Variants in HEATR1 observed in about 807,000 individuals in gnomAD.
HEATR1 encodes HEAT repeat containing 1.
A neutral mutation model predicts 248.2 loss-of-function variants in HEATR1; 77 were observed. The ratio of observed to expected loss-of-function variants is 0.31; its 90% CI spans 0.26 to 0.37. The LOEUF (loss-of-function observed/expected upper bound fraction) is 0.37. HEATR1 is among the 10% of genes least tolerant of loss of function. The pLI, the probability that HEATR1 is intolerant of heterozygous loss-of-function variation, is 1.00. For synonymous variants in HEATR1, 897 were observed against 923.1 expected (o/e 0.97, Z 0.51); for missense variants, 2,420 against 2,504.9 (o/e 0.97, Z 0.72).
Position 236,585,615 on chromosome 1 carries a change from T to C in HEATR1, c.2049+205A>G, listed in dbSNP as rs1663864527. Among the ~76,000 whole-genome samples the C allele has an allele frequency of 2.0e-5, 3 of 152,112 alleles. No homozygotes were observed. The South Asian group carries it at 6.2e-4, about 31-fold the overall frequency. ...ATTATTCTTATGGGTGTGATATGGA[T>C]CCACATTGAAAAAATATATAAAATG... On this transcript the variant is annotated intron_variant, in intron 16 of 44. Coordinates refer to ENST00000366582, the MANE Select transcript of HEATR1 (RefSeq NM_018072.6).
At chr1:236,595,478 T>C (rs1031638768) in intron 8 of HEATR1, 62 bp downstream of exon 8, 1 of 1,360,902 alleles carries the variant, frequency 7.3e-7, no homozygotes, top group Non-Finnish European at 1.0e-6. Context: ...AACCAGGATA[T>C]GGTTACTATT....
Position 236,560,205 on chromosome 1 carries a change from T to A in HEATR1, c.4647-368A>T, listed in dbSNP as rs562770968. Among the ~76,000 whole-genome samples the A allele has an allele frequency of 3.3e-5, 5 of 152,012 alleles. No homozygotes were observed. The South Asian group carries it at 6.2e-4, about 19-fold the overall frequency. ...TATGGCCCTAGGTTAATGGCAGGTG[T>A]GTGCGCGCACACACACACAGGCACA... On this transcript the variant is annotated intron_variant, in intron 33 of 44. Coordinates refer to ENST00000366582, the MANE Select transcript of HEATR1 (RefSeq NM_018072.6).
At chr1:236,560,747 G>A (rs974171124) in intron 33 of HEATR1, among the ~76,000 whole-genome samples, 2 of 152,202 alleles carry the variant, frequency 1.3e-5, no homozygotes, top group Non-Finnish European at 2.9e-5. Context: ...TATAATGGCA[G>A]CATATGGATT....
intron 11 of HEATR1, among the ~76,000 whole-genome samples, chr1:236,591,546 T>C (rs16834013): frequency 0.018 from 2,672 of 152,302 alleles, 17 homozygotes; most frequent in Middle Eastern, 0.075. Flanking sequence ...TATAAAGCTT[T>C]AGGCTTGAAT....
At position 236,585,038 on chromosome 1, in the gene HEATR1, A is replaced by G. The variant is rs141347838; in HGVS notation, c.2228T>C (p.Val743Ala). ...TGCTTTCCTTACCACTGCAGTAATGACACTTTCAAGCTTCTTTATTTTTTT... is the reference window on the plus strand; with the variant it reads ...TGCTTTCCTTACCACTGCAGTAATGGCACTTTCAAGCTTCTTTATTTTTTT... ...LQKKIKKLES[V>A]ITAVEIPSEW... Residue 743 changes from valine to alanine, a missense_variant, in exon 17 of 45, where the codon GTC (valine) becomes GCC (alanine). Physicochemically the swap from Val to Ala is moderately conservative, Grantham distance 64. Coordinates refer to ENST00000366582, the MANE Select transcript of HEATR1 (RefSeq NM_018072.6). 108 of 1,612,826 alleles carry G rather than the reference A, an allele frequency of 6.7e-5. 1 individual carries two copies. The East Asian group carries it at 2.3e-3, about 35-fold the overall frequency.
chr1:236,557,066 T>G, intron 37 of HEATR1, 129 bp downstream of exon 37: 1 of 919,934 alleles, frequency 1.1e-6, no homozygotes, highest in Non-Finnish European at 1.6e-6. Flanking sequence ...CAAGCACATC[T>G]CTTCAGAAAT....
Position 236,550,862 on chromosome 1 carries a change from G to A in HEATR1, c.*40C>T, listed in dbSNP as rs1662698284. The A allele has an allele frequency of 6.9e-7, 1 of 1,457,332 alleles. No homozygotes were observed. Among genetic ancestry groups the A allele is most frequent in the Non-Finnish European group, 9.4e-7 (1 of 1,066,700 alleles). The allele number at this position is 1,457,332 out of a possible 1,614,324, so 90.3% of individuals were successfully genotyped here. A position where few individuals can be genotyped will look rare whatever the true frequency, so the allele number is the denominator to read the frequency against. On this transcript the variant is annotated 3_prime_UTR_variant, in exon 45 of 45. Transcript: ENST00000366582. ...CCAAAAATAAAAATATGAAATATGA[G>A]TGTGAACTCTGAGTAGAGTATGAAA...
intron 28 of HEATR1, among the ~76,000 whole-genome samples, chr1:236,570,550 G>A (rs1663400087): frequency 6.6e-6 from 1 of 152,104 alleles, no homozygotes; most frequent in Non-Finnish European, 1.5e-5. Context: ...CTGGGGTGAT[G>A]AAAATACTCT....
intron 32 of HEATR1, among the ~76,000 whole-genome samples, chr1:236,562,211 ATTCT>A (rs1193002679): frequency 1.3e-5 from 2 of 152,188 alleles, no homozygotes; most frequent in African/African-American, 4.8e-5. Context: ...GTGAATTCAT[ATTCT>A]TTGCCAGTTG....
chr1:236,574,117 TAA>T, intron 24 of HEATR1, 83 bp downstream of exon 24: 1 of 1,251,186 alleles, frequency 8.0e-7, no homozygotes, highest in Non-Finnish European at 1.1e-6. Flanking sequence ...ACAAGCACTA[TAA>T]AATACAGGAC....
At chr1:236,576,123 A>G (rs1663555936) in intron 22 of HEATR1, 96 bp downstream of exon 22, 1 of 930,556 alleles carries the variant, frequency 1.1e-6, no homozygotes, top group African/African-American at 1.7e-5. Flanking sequence ...GAGCGCACAC[A>G]TGCAACTCTT....
chr1:236,571,407 G>A lies in HEATR1; in HGVS notation c.3892C>T (p.Pro1298Ser), dbSNP rs1483585627. 3.7e-6 allele frequency: 6 copies of A among 1,613,264 alleles called. No individual in the cohort carries two copies. The highest frequency in any genetic ancestry group is 5.1e-6 in the Non-Finnish European group (6 of 1,179,846). Reference sequence around the variant, plus strand: ...AAAAGGGCATGGTGATGGGTCTGCGGCATCTCCGAAAGGCGGATGCACTGA... The same window carrying A: ...AAAAGGGCATGGTGATGGGTCTGCGACATCTCCGAAAGGCGGATGCACTGA... ...IVQCIRLSEM[P>S]QTHHHALLLL... is the part of the protein sequence containing the mutation. The change falls in exon 28 of 45, where the codon CCG becomes TCG. Residue 1298 changes from proline (P) to serine (S), a missense_variant. Pro to Ser is a moderately conservative substitution (Grantham distance 74). Transcript: ENST00000366582.
At chr1:236,578,332 A>G (rs375581489) in intron 20 of HEATR1, among the ~76,000 whole-genome samples, 1 of 152,236 alleles carries the variant, frequency 6.6e-6, no homozygotes, top group Admixed American at 6.5e-5. Context: ...CATACATTCC[A>G]TAAGTATTTG....
At position 236,586,447 on chromosome 1, in the gene HEATR1, T is replaced by G; in HGVS notation, c.1721A>C (p.Glu574Ala). ...TATGTCAGCGGCTATCTTAAGTACC[T>G]CGTACCTAAAAGACATGCAAGCACA... ...AELSKNGEWYEVLKIAADILI... is the reference protein window; with the variant it reads ...AELSKNGEWYAVLKIAADILI... The change falls in exon 15 of 45, where the codon GAG (glutamate) becomes GCG (alanine). Residue 574 changes from glutamate to alanine, a missense_variant. By Grantham distance (107) the Glu-to-Ala change is moderately radical. Transcript: ENST00000366582. 3.7e-6 allele frequency: 6 copies of G among 1,607,572 alleles called. No individual in the cohort carries two copies. The highest frequency in any genetic ancestry group is 5.1e-6 in the Non-Finnish European group (6 of 1,174,646).
chr1:236,592,633 G>C lies in HEATR1; in HGVS notation c.1194C>G (p.Ser398Arg). The change falls in exon 10 of 45, where the codon AGC becomes AGG. Residue 398 changes from serine to arginine, a missense_variant and splice_region_variant. By Grantham distance (110) the Ser-to-Arg change is moderately radical (BLOSUM62 -1). Coordinates refer to ENST00000366582, the MANE Select transcript of HEATR1 (RefSeq NM_018072.6). ...ATGAAATATACTCTTCAAATAGAAG[G>C]CTGTAAAAAAAAAAACAGAAATATC... ...LKNNLDHLLA[S>R]LLFEEYISYS... The C allele has an allele frequency of 1.6e-6, 2 of 1,231,148 alleles. No individual in the cohort carries two copies. Among genetic ancestry groups the C allele is most frequent in the South Asian group, 1.3e-5 (1 of 75,240 alleles). The allele number at this position is 1,231,148 out of a possible 1,614,324, so 76.3% of individuals were successfully genotyped here. A position where few individuals can be genotyped will look rare whatever the true frequency, so the allele number is the denominator to read the frequency against.
intron 12 of HEATR1, among the ~76,000 whole-genome samples, chr1:236,590,243 T>C (rs928258145): frequency 1.3e-5 from 2 of 152,156 alleles, no homozygotes; most frequent in African/African-American, 4.8e-5. Context: ...TCTCGGTTTT[T>C]TTTTGAAAGA....
At chr1:236,572,695 G>C in intron 25 of HEATR1, 30 bp downstream of exon 25, 2 of 1,602,042 alleles carry the variant, frequency 1.2e-6, no homozygotes, top group South Asian at 2.2e-5. Flanking sequence ...GGGAACAACA[G>C]CATGTGCTCA....
chr1:236,552,005 T>A lies in HEATR1; in HGVS notation c.6340A>T (p.Met2114Leu). 1 of 1,596,220 alleles carries A rather than the reference T, an allele frequency of 6.3e-7. No homozygotes were observed. The highest frequency in any genetic ancestry group is 8.6e-7 in the Non-Finnish European group (1 of 1,164,756). Reference sequence around the variant, plus strand: ...GGAATAGTTTGGGAATTACCTTCCATCAACTCTGCTAAGAAAGGAATGGAT... The same window carrying A: ...GGAATAGTTTGGGAATTACCTTCCAACAACTCTGCTAAGAAAGGAATGGAT... ...PESIPFLAEL[M>L]EDECEEVEHQ... The change falls in exon 44 of 45, where the codon ATG (methionine) becomes TTG (leucine). Residue 2114 changes from methionine (M) to leucine (L), a missense_variant. Transcript: ENST00000366582.
Position 236,549,278 on chromosome 1 carries a change from T to C in HEATR1, c.*1624A>G, listed in dbSNP as rs1471653220. On this transcript the variant is annotated 3_prime_UTR_variant, in exon 45 of 45. Coordinates refer to ENST00000366582, the MANE Select transcript of HEATR1 (RefSeq NM_018072.6). ...TGTATCAGCAAGTTAAATGGTTCCATTTCTGTGATTTTTCTATTATTTGAG... is the reference window on the plus strand; with the variant it reads ...TGTATCAGCAAGTTAAATGGTTCCACTTCTGTGATTTTTCTATTATTTGAG... 7.0e-6 allele frequency: 2 copies of C among 284,212 alleles called. No individual in the cohort carries two copies. The highest frequency in any genetic ancestry group is 1.3e-5 in the Non-Finnish European group (2 of 154,146). The allele number at this position is 284,212 out of a possible 1,614,324, so 17.6% of individuals were successfully genotyped here. A position where few individuals can be genotyped will look rare whatever the true frequency, so the allele number is the denominator to read the frequency against.
Sources: allele counts gnomAD v4.1 joint callset (sites outside exome capture counted in the v4.1 genomes callset), GRCh38; gene constraint gnomAD v4.1.1; transcripts MANE v1.5; gene names NCBI Gene and HGNC (gene_info 2026-07-23, HGNC 2026-07-21).